FBLN1: variants seen among roughly 807,000 people sequenced by gnomAD.
FBLN1 encodes the protein fibulin-1.
Under a neutral mutation model 89.7 loss-of-function variants are expected in FBLN1, and 34 were observed. The ratio of observed to expected loss-of-function variants is 0.38; its 90% CI spans 0.29 to 0.50. The LOEUF is 0.50. Ranked by LOEUF, FBLN1 falls within the 20% of genes least tolerant of loss-of-function variation. The pLI is 0.92. For missense variants in FBLN1, 777 were observed against 988.1 expected, an observed-to-expected ratio of 0.79 and a Z score of 2.86; for synonymous variants, 393 against 391.3, an observed-to-expected ratio of 1.00 and a Z score of -0.05.
chr22:45,592,738 C>T (rs2089149677), intron 16 of FBLN1, among the ~76,000 whole-genome samples: 2 of 152,192 alleles, frequency 1.3e-5, no homozygotes, highest in Admixed American at 6.5e-5. Context: ...TGATGGTTTG[C>T]TTCTTCCCAG....
At position 45,527,988 on chromosome 22, in the gene FBLN1, G is replaced by A; in HGVS notation, c.463G>A (p.Val155Ile). The A allele has an allele frequency of 1.2e-6, 2 of 1,614,254 alleles. 1 individual carries two copies. Among genetic ancestry groups the A allele is most frequent in the Admixed American group, 3.3e-5 (2 of 60,034 alleles). The change falls in exon 4 of 17, where the codon GTC (valine) becomes ATC (isoleucine). Residue 155 changes from valine to isoleucine, a missense_variant. Physicochemically the swap from Val to Ile is conservative, Grantham distance 29 (BLOSUM62 3). Coordinates refer to ENST00000327858, the MANE Select transcript of FBLN1 (RefSeq NM_006486.3). ...GAGCCAGGAGACCGGAGATTTGGAT[G>A]TCGGGGGCCTCCAAGAAACGGGTAA... ...VKSQETGDLD[V>I]GGLQETDKII... is the part of the protein sequence containing the mutation.
At chr22:45,582,806 CGT>C (rs1285819868) in intron 16 of FBLN1, among the ~76,000 whole-genome samples, 2 of 152,070 alleles carry the variant, frequency 1.3e-5, no homozygotes, top group African/African-American at 4.8e-5. Context: ...GGAGTGTGTG[CGT>C]GTGTGTGGGT....
chr22:45,508,958 C>G (rs1044419044), intron 1 of FBLN1, among the ~76,000 whole-genome samples: 4 of 152,140 alleles, frequency 2.6e-5, no homozygotes, highest in African/African-American at 9.7e-5. Flanking sequence ...CATATTTGTC[C>G]CATGTGCATG....
intron 14 of FBLN1, among the ~76,000 whole-genome samples, chr22:45,553,603 A>G (rs1278728936): frequency 6.6e-6 from 1 of 152,228 alleles, no homozygotes; most frequent in African/African-American, 2.4e-5. Context: ...AATCAAGGAC[A>G]TGTTTATTTT....
intron 16 of FBLN1, among the ~76,000 whole-genome samples, chr22:45,582,637 TAGGG>T (rs2089052212): frequency 6.6e-6 from 1 of 152,098 alleles, no homozygotes; most frequent in African/African-American, 2.4e-5. Flanking sequence ...GGCTGCAATT[TAGGG>T]AGGATCTTTC....
chr22:45,560,802 C>T (rs947205174), intron 14 of FBLN1, among the ~76,000 whole-genome samples: 2 of 152,134 alleles, frequency 1.3e-5, no homozygotes, highest in African/African-American at 2.4e-5. Context: ...TCTCTAGGGG[C>T]CCGCCAGGAC....
In FBLN1 at chr22:45,586,177, C is replaced by T. The variant is rs543424671; in HGVS notation, c.1972+9069C>T. 2.0e-4 allele frequency among the ~76,000 whole-genome samples: 31 copies of T among 152,320 alleles called. No homozygotes were observed. The South Asian group carries it at 5.8e-3, about 29-fold the overall frequency. ...TGCAGTAACGTGGACAGCATTCATTCGGAGCTCAAGGCCTCAGCCCCAGGA... is the reference window on the plus strand; with the variant it reads ...TGCAGTAACGTGGACAGCATTCATTTGGAGCTCAAGGCCTCAGCCCCAGGA... On this transcript the variant is annotated intron_variant, in intron 16 of 16. Coordinates refer to ENST00000327858, the MANE Select transcript of FBLN1 (RefSeq NM_006486.3).
At chr22:45,552,212 G>A (rs901801846) in intron 14 of FBLN1, among the ~76,000 whole-genome samples, 3 of 152,216 alleles carry the variant, frequency 2.0e-5, no homozygotes, top group African/African-American at 7.2e-5. Flanking sequence ...ACCCCACCTG[G>A]CTGGGCGTGA....
At chr22:45,504,645 C>G (rs187573508) in intron 1 of FBLN1, among the ~76,000 whole-genome samples, 1 of 152,138 alleles carries the variant, frequency 6.6e-6, no homozygotes, top group African/African-American at 2.4e-5. Context: ...AAAACTCTCC[C>G]TGGCCCCGGA....
intron 14 of FBLN1, among the ~76,000 whole-genome samples, chr22:45,553,847 C>A (rs1390602725): frequency 6.6e-6 from 1 of 152,188 alleles, no homozygotes; most frequent in East Asian, 1.9e-4. Context: ...CCTCCGCTTC[C>A]CTCTGGCAAA....
rs1430162270 is a variant in FBLN1 at position 45,536,830 on chromosome 22, A to C, written c.922+1493A>C. ...TACTAATATGAAAAGAGAGAATCCCATGTGAACTTAGTATGAATTTAGGAG... is the reference window on the plus strand; with the variant it reads ...TACTAATATGAAAAGAGAGAATCCCCTGTGAACTTAGTATGAATTTAGGAG... On this transcript the variant is annotated intron_variant, in intron 8 of 16. Coordinates refer to ENST00000327858, the MANE Select transcript of FBLN1 (RefSeq NM_006486.3). The surrounding 1 kb of genome is among the most constrained non-coding windows in gnomAD (Gnocchi z 5.1). Among the ~76,000 whole-genome samples the C allele has an allele frequency of 6.6e-6, 1 of 152,114 alleles. No homozygotes were observed. The highest frequency in any genetic ancestry group is 1.9e-4 in the East Asian group (1 of 5,184).
intron 1 of FBLN1, among the ~76,000 whole-genome samples, chr22:45,506,094 T>G (rs2088016815): frequency 1.3e-5 from 2 of 152,254 alleles, no homozygotes; most frequent in Admixed American, 6.5e-5. Context: ...ATGTTAGCTA[T>G]TATTCCTGTT....
chr22:45,582,344 C>A (rs888259760), intron 16 of FBLN1, among the ~76,000 whole-genome samples: 6 of 152,222 alleles, frequency 3.9e-5, no homozygotes, highest in African/African-American at 1.2e-4. Flanking sequence ...GCCATGGGAT[C>A]TTGGGTCCTG....
chr22:45,568,631 GAATGCCTCTTCTGTGGGA>G lies in FBLN1; in HGVS notation c.1698-5879_1698-5862del, dbSNP rs1162843857. 7.3e-4 allele frequency among the ~76,000 whole-genome samples: 80 copies of G among 108,964 alleles called. 6 individuals carry two copies. Among genetic ancestry groups the G allele is most frequent in the African/African-American group, 2.7e-3 (75 of 27,742 alleles). The allele number at this position is 108,964 out of a possible 152,430, so 71.5% of individuals were successfully genotyped here. The stretch of plus-strand genomic sequence containing the variant: ...GTAAGGGAATGCTCCTCCTGTAAGG[GAATGCCTCTTCTGTGGGA>G]GAATGCTCCTTCTGTAGGGGAATGC... On this transcript the variant is annotated intron_variant, in intron 14 of 16. Coordinates refer to ENST00000327858, the MANE Select transcript of FBLN1 (RefSeq NM_006486.3).
intron 12 of FBLN1, among the ~76,000 whole-genome samples, chr22:45,548,012 G>A (rs963644377): frequency 6.6e-6 from 1 of 152,122 alleles, no homozygotes; most frequent in Non-Finnish European, 1.5e-5. Context: ...GGGCAATTAC[G>A]ATGATTACCA....
At chr22:45,599,697 C>T (rs977839343) in intron 16 of FBLN1, among the ~76,000 whole-genome samples, 2 of 152,126 alleles carry the variant, frequency 1.3e-5, no homozygotes, top group Non-Finnish European at 2.9e-5. Context: ...GCGGGTGGAT[C>T]ACCTGAGGTC....
rs1391847702 is a variant in FBLN1 at position 45,537,493 on chromosome 22, C to T, written c.922+2156C>T. ...AATTAGCCGGGTGTGGTGGTGGGCA[C>T]CTTGTAATCCCAGCTACTCAAGATG... On this transcript the variant is annotated intron_variant, in intron 8 of 16. Transcript: ENST00000327858. The surrounding 1 kb of genome is among the most constrained non-coding windows in gnomAD (Gnocchi z 5.7). Among the ~76,000 whole-genome samples the T allele has an allele frequency of 1.3e-5, 2 of 151,976 alleles. No individual in the cohort carries two copies. The highest frequency in any genetic ancestry group is 2.9e-5 in the Non-Finnish European group (2 of 67,980).
chr22:45,574,693 G>T lies in FBLN1; in HGVS notation c.1840+40G>T, dbSNP rs758218944. The T allele has an allele frequency of 3.9e-5, 62 of 1,594,226 alleles. No homozygotes were observed. Among genetic ancestry groups the T allele is most frequent in the Non-Finnish European group, 4.8e-5 (56 of 1,169,060 alleles). On this transcript the variant is annotated intron_variant, in intron 15 of 16. Transcript: ENST00000327858. The surrounding 1 kb of genome is among the most constrained non-coding windows in gnomAD (Gnocchi z 4.1). ...TGTGGGGGTCCCAGGGCCCCCTAGG[G>T]CCTCCCTCGGCTTCAGCTGAGGGCT...
At chr22:45,552,398 G>T (rs931976471) in intron 14 of FBLN1, among the ~76,000 whole-genome samples, 2 of 152,206 alleles carry the variant, frequency 1.3e-5, no homozygotes, top group African/African-American at 4.8e-5. Flanking sequence ...CGCCTGGCTT[G>T]TTCCAGCCCT....
Sources: gnomAD v4.1 joint callset for allele counts (sites outside exome capture counted in the v4.1 genomes callset) on GRCh38, gnomAD v4.1.1 for gene constraint, Gnocchi (gnomAD v3.1) non-coding constraint, MANE v1.5 for transcripts, NCBI Gene and HGNC (gene_info 2026-07-23, HGNC 2026-07-21) for gene names.